TENM3: variants seen among roughly 807,000 people sequenced by gnomAD.
TENM3 encodes the protein teneurin transmembrane protein 3.
Under a neutral mutation model 255.1 loss-of-function variants are expected in TENM3, and 63 were observed. That is an observed-to-expected ratio of 0.25 (90% CI 0.20 to 0.30). The LOEUF (loss-of-function observed/expected upper bound fraction) is 0.30, where lower values mean the gene tolerates loss of function less well. TENM3 is among the 10% of genes least tolerant of loss of function. The pLI is 1.00. For missense variants in TENM3, 2,929 were observed against 3,461.1 expected, an observed-to-expected ratio of 0.85 and a Z score of 3.86; for synonymous variants, 1,306 against 1,322.3, an observed-to-expected ratio of 0.99 and a Z score of 0.27.
At chr4:182,504,291 A>G (rs17322697) in intron 3 of TENM3, among the ~76,000 whole-genome samples, 42,593 of 151,932 alleles carry the variant, frequency 0.28, 6,866 homozygotes, top group South Asian at 0.38. Flanking sequence ...CTCTGTGCAG[A>G]GAGAGACGTA....
chr4:182,775,782 G>C (rs1045770933), intron 24 of TENM3, among the ~76,000 whole-genome samples: 1 of 151,992 alleles, frequency 6.6e-6, no homozygotes, highest in Non-Finnish European at 1.5e-5. Context: ...ACCTAACTAG[G>C]GTTCAAAAAA....
chr4:181,906,019 A>G, the TENM3 span: 19 of 459,754 alleles, frequency 4.1e-5, no homozygotes, highest in African/African-American at 3.9e-4. Context: ...ATATCTCGTA[A>G]CAGTGACAAG....
rs149130721 is a variant in TENM3 at position 182,183,628 on chromosome 4, A to G, written c.-76+38874A>G. Among the ~76,000 whole-genome samples, 12 of 152,212 alleles carry G rather than the reference A, an allele frequency of 7.9e-5. No homozygotes were observed. The East Asian group carries it at 1.5e-3, about 20-fold the overall frequency. ...AACATACTGAGAGACCAGATAACAT[A>G]TGTCCATTTTTTATCAGCATTTTCG... On this transcript the variant is annotated intron_variant, in intron 1 of 2. Coordinates refer to the TENM3 transcript ENST00000512480.
the TENM3 span, among the ~76,000 whole-genome samples, chr4:181,923,134 TGAG>T: frequency 6.6e-6 from 1 of 152,174 alleles, no homozygotes; most frequent in East Asian, 1.9e-4. Context: ...TTACATTTGC[TGAG>T]GAGAGCTTTA....
At position 182,801,292 on chromosome 4, in the gene TENM3, T is replaced by A. The variant is rs1313517070; in HGVS notation, c.*941T>A. 6.6e-6 allele frequency: 1 copy of A among 152,470 alleles called. No homozygotes were observed. The highest frequency in any genetic ancestry group is 2.4e-5 in the African/African-American group (1 of 41,440). 9.4% of individuals were successfully genotyped at this position (152,470 alleles called of 1,614,324 possible). On this transcript the variant is annotated 3_prime_UTR_variant, in exon 28 of 28. Transcript: ENST00000511685. ...AAATGTGCAAGCTTCTATCACTAGA[T>A]GGATAGGACCGTGCAATTCTAGGTG...
the TENM3 span, among the ~76,000 whole-genome samples, chr4:181,596,350 T>C: frequency 6.6e-6 from 1 of 152,220 alleles, no homozygotes; most frequent in African/African-American, 2.4e-5. Flanking sequence ...TGTAAACTGA[T>C]TCCAAATACA....
chr4:181,534,405 A>C, the TENM3 span, among the ~76,000 whole-genome samples: 1 of 151,998 alleles, frequency 6.6e-6, no homozygotes, highest in South Asian at 2.1e-4. Flanking sequence ...AAACTAAGAC[A>C]TTTTAGTTCC....
At chr4:181,896,668 T>C in the TENM3 span, among the ~76,000 whole-genome samples, 3 of 151,856 alleles carry the variant, frequency 2.0e-5, no homozygotes, top group African/African-American at 7.3e-5. Context: ...ACCACTGGGG[T>C]GTATTTGATG....
intron 3 of TENM3, among the ~76,000 whole-genome samples, chr4:182,540,041 AC>A (rs1312900378): frequency 6.6e-6 from 1 of 152,264 alleles, no homozygotes; most frequent in African/African-American, 2.4e-5. Context: ...CCTAATTGAT[AC>A]AAAGTTTACT....
the TENM3 span, among the ~76,000 whole-genome samples, chr4:181,603,965 A>T: frequency 6.6e-6 from 1 of 152,208 alleles, no homozygotes; most frequent in Non-Finnish European, 1.5e-5. Flanking sequence ...GGAAGGCCTG[A>T]TTAGATATCT....
chr4:182,671,888 GTTTT>G (rs531945906), intron 6 of TENM3, among the ~76,000 whole-genome samples: 1 of 151,304 alleles, frequency 6.6e-6, no homozygotes, highest in Non-Finnish European at 1.5e-5. Context: ...TTTGTTATCA[GTTTT>G]TTTTTAAGAG....
At chr4:181,906,502 G>A in the TENM3 span, 5 of 153,768 alleles carry the variant, frequency 3.3e-5, no homozygotes, top group East Asian at 1.9e-4. Context: ...ATCCTCAAGC[G>A]AAACTACCTC....
At chr4:181,570,646 G>A in the TENM3 span, among the ~76,000 whole-genome samples, 3 of 137,480 alleles carry the variant, frequency 2.2e-5, no homozygotes, top group Non-Finnish European at 4.7e-5. Flanking sequence ...GAGAGAGAGA[G>A]AAAGAAGGAA....
chr4:181,644,286 C>T, the TENM3 span, among the ~76,000 whole-genome samples: 6 of 151,890 alleles, frequency 4.0e-5, no homozygotes, highest in East Asian at 7.7e-4. Flanking sequence ...GGAATATTCT[C>T]AAGATGCACC....
the TENM3 span, among the ~76,000 whole-genome samples, chr4:181,946,323 C>T: frequency 3.3e-5 from 5 of 152,160 alleles, no homozygotes; most frequent in Non-Finnish European, 7.4e-5. Flanking sequence ...AAAATACACC[C>T]TTGCCAAAAA....
the TENM3 span, among the ~76,000 whole-genome samples, chr4:181,478,557 C>A: frequency 6.6e-6 from 1 of 152,134 alleles, no homozygotes; most frequent in Non-Finnish European, 1.5e-5. Context: ...TGATTTCAAC[C>A]TTTGCTTTTG....
the TENM3 span, among the ~76,000 whole-genome samples, chr4:181,718,802 T>G: frequency 6.6e-6 from 1 of 152,212 alleles, no homozygotes; most frequent in Admixed American, 6.5e-5. Context: ...CTTTTCATCT[T>G]TGTATAGTCA....
intron 24 of TENM3, among the ~76,000 whole-genome samples, chr4:182,784,442 C>G (rs1765451242): frequency 6.6e-6 from 1 of 151,322 alleles, no homozygotes; most frequent in Non-Finnish European, 1.5e-5. Context: ...CTGGGAGAAC[C>G]ACTGCTCTCT....
rs555052602 is a variant in TENM3, at chr4:182,213,542, T to C, written c.-76+68788T>C. On this transcript the variant is annotated intron_variant, in intron 1 of 2. Coordinates refer to the TENM3 transcript ENST00000512480. ...GTGCTTAATTATTATCTCGATTCAA[T>C]TCAATGCAATGGTGATTCATTGCCT... 8.3e-4 allele frequency among the ~76,000 whole-genome samples: 127 copies of C among 152,314 alleles called. 1 individual carries two copies. The highest frequency in any genetic ancestry group is 2.9e-3 in the African/African-American group (122 of 41,572).
Sources: allele counts gnomAD v4.1 joint callset (sites outside exome capture counted in the v4.1 genomes callset), GRCh38; gene constraint gnomAD v4.1.1; transcripts MANE v1.5; gene names NCBI Gene and HGNC (gene_info 2026-07-23, HGNC 2026-07-21).